Variants in CPVL observed in about 807,000 individuals in gnomAD.
CPVL encodes carboxypeptidase vitellogenic like, also known as probable serine carboxypeptidase CPVL.
In CPVL, 51 loss-of-function variants were observed where a neutral mutation model predicts 63.7. That is an observed-to-expected ratio of 0.80 (90% CI 0.64 to 1.01). The LOEUF (loss-of-function observed/expected upper bound fraction) is 1.01, where lower values mean the gene tolerates loss of function less well. Among genes scored for constraint, CPVL ranks in the 50% least tolerant of loss-of-function variants. The pLI, the probability that CPVL is intolerant of heterozygous loss-of-function variation, is 0.00. For missense variants in CPVL, 530 were observed against 573.1 expected (o/e 0.92, Z 0.77); for synonymous variants, 195 against 206.0 (o/e 0.95, Z 0.46).
chr7:29,120,818 CA>C (rs375039373), intron 2 of CPVL, 74 bp downstream of exon 2: 124,158 of 973,388 alleles, frequency 0.13, 8 homozygotes, highest in East Asian at 0.17. Flanking sequence ...GACTTCGTCT[CA>C]AAAAAAAAAA....
intron 3 of CPVL, among the ~76,000 whole-genome samples, chr7:29,109,172 G>T (rs1319851393): frequency 2.0e-5 from 3 of 152,156 alleles, no homozygotes; most frequent in African/African-American, 4.8e-5. Flanking sequence ...TTTATCCCAT[G>T]CAAAATGCCT....
intron 12 of CPVL, among the ~76,000 whole-genome samples, chr7:29,007,929 C>T (rs1785368043): frequency 6.6e-6 from 1 of 152,156 alleles, no homozygotes; most frequent in South Asian, 2.1e-4. Flanking sequence ...CCTCAAGGAA[C>T]TTAGCATCGA....
intron 3 of CPVL, among the ~76,000 whole-genome samples, chr7:29,096,855 C>T (rs1329466737): frequency 6.6e-6 from 1 of 152,042 alleles, no homozygotes; most frequent in Non-Finnish European, 1.5e-5. Flanking sequence ...CGTGGTGGCA[C>T]ATGCCTGTAA....
At chr7:29,092,974 CT>C (rs1785981829) in intron 5 of CPVL, among the ~76,000 whole-genome samples, 1 of 152,146 alleles carries the variant, frequency 6.6e-6, no homozygotes, top group Non-Finnish European at 1.5e-5. Context: ...AGTGGAGACC[CT>C]GCCAGATGTT....
At chr7:29,016,084 C>T (rs971786543) in intron 12 of CPVL, among the ~76,000 whole-genome samples, 1 of 152,144 alleles carries the variant, frequency 6.6e-6, no homozygotes, top group African/African-American at 2.4e-5. Flanking sequence ...AGCATGGTGG[C>T]TCATGCCTGT....
At chr7:29,186,964 C>T (rs1332385021) in intron 1 of CPVL, among the ~76,000 whole-genome samples, 1 of 152,152 alleles carries the variant, frequency 6.6e-6, no homozygotes, top group African/African-American at 2.4e-5. Flanking sequence ...TTTCTAGCCT[C>T]AGTTTCCCCA....
upstream of CPVL, chr7:29,146,729 G>T: frequency 6.4e-7 from 1 of 1,550,512 alleles, no homozygotes; most frequent in Non-Finnish European, 8.7e-7. Context: ...GAAGAGCATC[G>T]GCGGGGTGCC....
chr7:29,090,994 AG>A (rs1156369343), intron 6 of CPVL, among the ~76,000 whole-genome samples: 1 of 152,186 alleles, frequency 6.6e-6, no homozygotes, highest in Non-Finnish European at 1.5e-5. Flanking sequence ...ACCCATCTGG[AG>A]AGCTGGAGAG....
intron 11 of CPVL, among the ~76,000 whole-genome samples, chr7:29,032,659 T>C (rs1178842033): frequency 6.6e-6 from 1 of 152,218 alleles, no homozygotes; most frequent in Admixed American, 6.5e-5. Flanking sequence ...AAAGTGATTC[T>C]TCTTCTAGAA....
At chr7:29,131,291 T>C (rs1056681403) in intron 1 of CPVL, among the ~76,000 whole-genome samples, 5 of 152,226 alleles carry the variant, frequency 3.3e-5, no homozygotes, top group East Asian at 1.9e-4. Context: ...CAGGCTAAGA[T>C]TGGGAACAAT....
At position 29,120,989 on chromosome 7, in the gene CPVL, G is replaced by GA; in HGVS notation, c.72dup (p.Arg25SerfsTer12). 6.2e-7 allele frequency: 1 copy of GA among 1,613,674 alleles called. No homozygotes were observed. The highest frequency in any genetic ancestry group is 8.5e-7 in the Non-Finnish European group (1 of 1,179,850). On this transcript the variant is annotated frameshift_variant, in exon 2 of 13. Transcript: ENST00000265394. ...ATGGAAACACTTCTGTATAGGGAGC[G>GA]AAACAGCCCATCACAGGGGCCAGGC...
intron 1 of CPVL, among the ~76,000 whole-genome samples, chr7:29,190,062 T>C (rs1165669403): frequency 2.0e-5 from 3 of 152,230 alleles, no homozygotes; most frequent in African/African-American, 7.2e-5. Context: ...GTGCACCTCC[T>C]GAGGAAACAG....
chr7:29,020,175 A>G (rs1786819075), intron 12 of CPVL, among the ~76,000 whole-genome samples: 1 of 152,134 alleles, frequency 6.6e-6, no homozygotes, highest in Admixed American at 6.5e-5. Context: ...CAGGCCTGGG[A>G]GCATTTCACA....
chr7:29,125,456 G>A (rs1177528249), intron 1 of CPVL, among the ~76,000 whole-genome samples: 3 of 142,446 alleles, frequency 2.1e-5, no homozygotes, highest in Non-Finnish European at 3.0e-5. Context: ...GCAGTGGTGC[G>A]ATCTCAGCTC....
intron 5 of CPVL, among the ~76,000 whole-genome samples, chr7:29,153,818 C>T (rs1793964981): frequency 6.6e-6 from 1 of 152,162 alleles, no homozygotes. Context: ...GATCTACCTG[C>T]CTCGGCCTCT....
intron 1 of CPVL, among the ~76,000 whole-genome samples, chr7:29,128,723 A>AAG (rs1790357735): frequency 6.6e-6 from 1 of 151,370 alleles, no homozygotes; most frequent in South Asian, 2.1e-4. Context: ...TCAAAAAAAA[A>AAG]AAAAAAATTA....
intron 5 of CPVL, among the ~76,000 whole-genome samples, chr7:29,171,656 A>G (rs1796621333): frequency 1.3e-5 from 2 of 152,190 alleles, no homozygotes; most frequent in African/African-American, 4.8e-5. Flanking sequence ...TTGTCCGGAG[A>G]TGAACAATTC....
chr7:29,009,438 T>G (rs964960380), intron 12 of CPVL: 2 of 152,100 alleles, frequency 1.3e-5, no homozygotes, highest in Non-Finnish European at 2.9e-5. Context: ...CAAGGAGATA[T>G]GTGCAAAAAT....
intron 5 of CPVL, among the ~76,000 whole-genome samples, chr7:29,179,873 C>A (rs1797842385): frequency 6.6e-6 from 1 of 152,134 alleles, no homozygotes. Flanking sequence ...GCAAGCAAAT[C>A]AACTTAAGTA....
Sources: allele counts gnomAD v4.1 joint callset (sites outside exome capture counted in the v4.1 genomes callset), GRCh38; gene constraint gnomAD v4.1.1; transcripts MANE v1.5; gene names NCBI Gene and HGNC (gene_info 2026-07-23, HGNC 2026-07-21).